The following RBFOX2 variants were observed in gnomAD, a reference collection of about 807,000 sequenced individuals.
RBFOX2 encodes RNA binding protein fox-1 homolog 2.
In RBFOX2, 10 loss-of-function variants were observed where a neutral mutation model predicts 49.1. The ratio of observed to expected loss-of-function variants is 0.20; its 90% confidence interval spans 0.13 to 0.35. The LOEUF is 0.35. RBFOX2 is among the 10% of genes least tolerant of loss of function. The pLI is 1.00. For missense variants in RBFOX2, 323 were observed against 486.9 expected, an observed-to-expected ratio of 0.66 and a Z score of 3.17; for synonymous variants, 183 against 187.4, an observed-to-expected ratio of 0.98 and a Z score of 0.19.
At chr22:35,935,239 C>T (rs796707520) in intron 1 of RBFOX2, among the ~76,000 whole-genome samples, 2 of 152,316 alleles carry the variant, frequency 1.3e-5, no homozygotes, top group African/African-American at 4.8e-5. Context: ...CTTGGTCCTG[C>T]ATGGCCTTAG....
chr22:35,739,842 C>G (rs1265067390), exon 12 of RBFOX2: 1 of 152,636 alleles, frequency 6.6e-6, no homozygotes, highest in Non-Finnish European at 1.5e-5. Flanking sequence ...CCAAGTCCCT[C>G]TGCTGGTGGC....
intron 2 of RBFOX2, among the ~76,000 whole-genome samples, chr22:35,792,183 A>C (rs1947820183): frequency 6.6e-6 from 1 of 151,692 alleles, no homozygotes; most frequent in African/African-American, 2.4e-5. Flanking sequence ...TAGGCGTGGC[A>C]GTGGGCACCT....
At chr22:35,969,518 G>A (rs1443385308) in intron 1 of RBFOX2, among the ~76,000 whole-genome samples, 2 of 152,090 alleles carry the variant, frequency 1.3e-5, no homozygotes, top group East Asian at 3.9e-4. Context: ...AGGTTGCAGT[G>A]AGCCGAGATC....
exon 12 of RBFOX2, chr22:35,741,653 C>T (rs1930014583): frequency 6.5e-6 from 1 of 152,860 alleles, no homozygotes. Flanking sequence ...CGGTGTTAAA[C>T]ACCATCCCTG....
chr22:35,992,860 C>T (rs1274844822), intron 1 of RBFOX2: 3 of 152,170 alleles, frequency 2.0e-5, no homozygotes, highest in Non-Finnish European at 4.4e-5. Context: ...CTCACATCTT[C>T]CACTCAGCCT....
At chr22:35,868,567 T>C (rs892418826) in intron 1 of RBFOX2, among the ~76,000 whole-genome samples, 12 of 151,812 alleles carry the variant, frequency 7.9e-5, no homozygotes, top group Admixed American at 2.0e-4. Flanking sequence ...CTGGACAACA[T>C]AGTCAGGCCC....
At chr22:35,859,140 G>A (rs2149066597) in intron 1 of RBFOX2, among the ~76,000 whole-genome samples, 1 of 152,258 alleles carries the variant, frequency 6.6e-6, no homozygotes, top group African/African-American at 2.4e-5. Flanking sequence ...TATGGCTTGG[G>A]AGAAAATAAA....
At chr22:35,810,110 G>T in intron 1 of RBFOX2, 106 bp from the exon 3 acceptor site, 1 of 1,101,280 alleles carries the variant, frequency 9.1e-7, no homozygotes, top group Non-Finnish European at 1.3e-6. Context: ...CACTGCATAG[G>T]TAAAATGGAA....
chr22:35,819,607 C>T (rs923874986), intron 1 of RBFOX2, among the ~76,000 whole-genome samples: 3 of 152,216 alleles, frequency 2.0e-5, no homozygotes, highest in Admixed American at 6.5e-5. Context: ...CCCTTGCACA[C>T]TTCATCTATT....
intron 1 of RBFOX2, among the ~76,000 whole-genome samples, chr22:35,984,083 A>C: frequency 6.6e-6 from 1 of 151,960 alleles, no homozygotes; most frequent in East Asian, 1.9e-4. Context: ...CCCTCCTTAT[A>C]CCTCAACAAC....
chr22:35,975,677 T>C (rs997148677), intron 1 of RBFOX2, among the ~76,000 whole-genome samples: 3 of 152,168 alleles, frequency 2.0e-5, no homozygotes, highest in African/African-American at 7.2e-5. Context: ...TCTTTTATTG[T>C]CTTTAGTATC....
intron 1 of RBFOX2, among the ~76,000 whole-genome samples, chr22:35,871,807 GCCAATTTAATAAGGGTAATGTTTAA>G (rs975206225): frequency 3.3e-5 from 5 of 152,152 alleles, no homozygotes; most frequent in Admixed American, 6.5e-5. Context: ...GAGTAGACTA[GCCAATTTAATAAGGGTAATGTTTAA>G]CCCCTGGTAC....
At chr22:35,979,456 C>T (rs185459271) in intron 1 of RBFOX2, among the ~76,000 whole-genome samples, 9 of 152,218 alleles carry the variant, frequency 5.9e-5, no homozygotes, top group Non-Finnish European at 1.0e-4. Flanking sequence ...GGGGAATACA[C>T]ATTGAAGTGT....
At position 35,937,108 on chromosome 22, in the gene RBFOX2, A is replaced by G. The variant is rs1428935562; in HGVS notation, c.-34+1739T>C. On this transcript the variant is annotated intron_variant, in intron 1 of 13. Transcript: ENST00000359369. ...ACTGTAGTTCTCAACCGCACTACAC[A>G]GCAGAATCACCTTTGGGATTTTTAA... Among the ~76,000 whole-genome samples the G allele has an allele frequency of 2.0e-5, 3 of 152,226 alleles. No individual in the cohort carries two copies. The East Asian group carries it at 5.8e-4, about 29-fold the overall frequency.
intron 1 of RBFOX2, chr22:35,961,482 T>A: frequency 7.9e-7 from 1 of 1,272,422 alleles, no homozygotes; most frequent in Non-Finnish European, 1.0e-6. Context: ...TGAACTGGAC[T>A]CCCCACACCT....
chr22:36,028,072 G>A (rs542117956), intron 1 of RBFOX2, among the ~76,000 whole-genome samples, 168 bp downstream of exon 1: 5 of 152,072 alleles, frequency 3.3e-5, no homozygotes, highest in African/African-American at 9.6e-5. Context: ...TGCAACCTTC[G>A]TTCCTAGCCC....
At chr22:35,878,689 A>G (rs2045479623) in intron 1 of RBFOX2, among the ~76,000 whole-genome samples, 3 of 151,990 alleles carry the variant, frequency 2.0e-5, no homozygotes, top group Admixed American at 2.0e-4. Flanking sequence ...AGTTCCTCCC[A>G]CCTTGGCCTC....
intron 1 of RBFOX2, among the ~76,000 whole-genome samples, chr22:35,814,557 A>T (rs1318973896): frequency 1.3e-5 from 2 of 150,448 alleles, no homozygotes; most frequent in South Asian, 2.1e-4. Flanking sequence ...AAAAATTTTT[A>T]AAAATTAGCT....
intron 1 of RBFOX2, among the ~76,000 whole-genome samples, chr22:35,854,382 TG>T (rs1386945309): frequency 6.6e-6 from 1 of 151,988 alleles, no homozygotes; most frequent in East Asian, 1.9e-4. Context: ...GCCTGGAGTT[TG>T]AGACCAGCCT....
Sources: gnomAD v4.1 joint callset for allele counts (sites outside exome capture counted in the v4.1 genomes callset) on GRCh38, gnomAD v4.1.1 for gene constraint, MANE v1.5 for transcripts, NCBI Gene and HGNC (gene_info 2026-07-23, HGNC 2026-07-21) for gene names.